Variants in CNTNAP2 observed in about 807,000 individuals in gnomAD.
CNTNAP2 encodes the protein contactin-associated protein-like 2.
In CNTNAP2, 98 loss-of-function variants were observed where a neutral mutation model predicts 155.2. That is an observed-to-expected ratio of 0.63 (90% CI 0.54 to 0.75). The LOEUF (loss-of-function observed/expected upper bound fraction) is 0.75. CNTNAP2 is among the 30% of genes least tolerant of loss of function. The probability of loss-of-function intolerance (pLI) is 0.00; values close to 1 mark genes in which losing one functional copy is unlikely to be tolerated. For synonymous variants in CNTNAP2, 651 were observed against 631.2 expected (o/e 1.03, Z -0.47); for missense variants, 1,727 against 1,688.1 (o/e 1.02, Z -0.40).
At chr7:146,186,633 A>G (rs1198968760) in intron 1 of CNTNAP2, among the ~76,000 whole-genome samples, 3 of 152,186 alleles carry the variant, frequency 2.0e-5, no homozygotes, top group Admixed American at 6.5e-5. Context: ...GCCTTTATAT[A>G]TGAATGACAA....
chr7:147,389,554 T>G (rs1323842877), intron 9 of CNTNAP2, among the ~76,000 whole-genome samples: 1 of 152,224 alleles, frequency 6.6e-6, no homozygotes, highest in Non-Finnish European at 1.5e-5. Flanking sequence ...TGTGTTTTCT[T>G]TGTCAGCAAG....
chr7:146,511,641 A>T (rs2129135424), intron 1 of CNTNAP2, among the ~76,000 whole-genome samples: 2 of 152,306 alleles, frequency 1.3e-5, no homozygotes, highest in South Asian at 4.1e-4. Context: ...TTTGATCATG[A>T]TGAATGATCT....
intron 11 of CNTNAP2, among the ~76,000 whole-genome samples, chr7:147,512,430 A>G (rs962256475): frequency 6.6e-6 from 1 of 152,216 alleles, no homozygotes; most frequent in African/African-American, 2.4e-5. Flanking sequence ...CTAATGTTAC[A>G]TTTTAGTTAG....
chr7:147,519,807 G>A (rs1316440731), intron 11 of CNTNAP2, among the ~76,000 whole-genome samples: 2 of 152,252 alleles, frequency 1.3e-5, no homozygotes, highest in Non-Finnish European at 2.9e-5. Context: ...AGAGGTTGCA[G>A]TGAGCCACAG....
intron 15 of CNTNAP2, among the ~76,000 whole-genome samples, chr7:147,984,283 T>G (rs1801580532): frequency 1.3e-5 from 2 of 152,350 alleles, no homozygotes; most frequent in Admixed American, 6.5e-5. Context: ...GCCAACTTCC[T>G]ATCTAATCCT....
At chr7:146,317,432 G>T (rs2129091772) in intron 1 of CNTNAP2, among the ~76,000 whole-genome samples, 1 of 152,254 alleles carries the variant, frequency 6.6e-6, no homozygotes, top group East Asian at 1.9e-4. Flanking sequence ...TGTTGTACCT[G>T]AGAGTGTTTT....
At chr7:148,009,315 G>A (rs1454395421) in intron 15 of CNTNAP2, among the ~76,000 whole-genome samples, 3 of 152,096 alleles carry the variant, frequency 2.0e-5, no homozygotes, top group African/African-American at 7.2e-5. Flanking sequence ...AAACAAAATG[G>A]TTGTACAGGT....
chr7:146,593,056 A>G (rs1467931110), intron 1 of CNTNAP2, among the ~76,000 whole-genome samples: 4 of 151,958 alleles, frequency 2.6e-5, no homozygotes, highest in Non-Finnish European at 5.9e-5. Context: ...AACCATAGTA[A>G]TCCAGACCAA....
chr7:147,181,939 A>T (rs1289209569), intron 8 of CNTNAP2, among the ~76,000 whole-genome samples: 1 of 152,024 alleles, frequency 6.6e-6, no homozygotes, highest in African/African-American at 2.4e-5. Context: ...AGCCTGACCA[A>T]CATGGTGAAA....
intron 3 of CNTNAP2, among the ~76,000 whole-genome samples, chr7:146,955,194 T>C (rs1431115717): frequency 6.6e-6 from 1 of 152,004 alleles, no homozygotes; most frequent in African/African-American, 2.4e-5. Flanking sequence ...TTCTTCTACC[T>C]CTGCCTGATG....
intron 1 of CNTNAP2, among the ~76,000 whole-genome samples, chr7:146,656,332 T>A (rs889406278): frequency 6.6e-6 from 1 of 152,232 alleles, no homozygotes; most frequent in Non-Finnish European, 1.5e-5. Context: ...ATTCATTTCA[T>A]CTTTCAAATC....
intron 8 of CNTNAP2, among the ~76,000 whole-genome samples, chr7:147,154,089 A>G (rs78297756): frequency 0.01 from 1,573 of 151,814 alleles, 30 homozygotes; most frequent in African/African-American, 0.037. Context: ...GATACTATTA[A>G]GATGCCCGCC....
At chr7:147,295,270 C>T (rs370293320) in intron 8 of CNTNAP2, among the ~76,000 whole-genome samples, 33 of 150,344 alleles carry the variant, frequency 2.2e-4, no homozygotes, top group South Asian at 8.5e-4. Context: ...TGTGTGCATG[C>T]GTGTGTGTGT....
intron 8 of CNTNAP2, among the ~76,000 whole-genome samples, chr7:147,258,281 A>G (rs2116678116): frequency 6.6e-6 from 1 of 152,360 alleles, no homozygotes; most frequent in Admixed American, 6.5e-5. Flanking sequence ...ATTTCAACAC[A>G]TATAATGTTT....
intron 1 of CNTNAP2, among the ~76,000 whole-genome samples, chr7:146,736,660 T>G (rs1801625736): frequency 6.6e-6 from 1 of 152,210 alleles, no homozygotes; most frequent in Non-Finnish European, 1.5e-5. Flanking sequence ...TGTGCTGCAC[T>G]GCCTCCCAGG....
At chr7:147,791,059 G>C (rs1222681183) in intron 13 of CNTNAP2, among the ~76,000 whole-genome samples, 3 of 152,078 alleles carry the variant, frequency 2.0e-5, no homozygotes, top group Admixed American at 1.3e-4. Flanking sequence ...TTTTTAAAAT[G>C]TCATCTGTTA....
In CNTNAP2 at chr7:147,123,421, C is replaced by T. The variant is rs764297131; in HGVS notation, c.939+2258C>T. Among the ~76,000 whole-genome samples the T allele has an allele frequency of 9.2e-5, 14 of 152,340 alleles. No individual in the cohort carries two copies. In the East Asian group the frequency reaches 9.6e-4, roughly 10 times the overall value. ...GTGTGACGAAGTCTATGACTATTCA[C>T]GCACACACAACACTTGCTATATCGG... On this transcript the variant is annotated intron_variant, in intron 6 of 23. Coordinates refer to ENST00000361727, the MANE Select transcript of CNTNAP2 (RefSeq NM_014141.6).
At position 146,451,880 on chromosome 7, in the gene CNTNAP2, C is replaced by CATACGTGTATATATATACGTATATAT. The variant is rs71175650; in HGVS notation, c.98-322390_98-322389insTACGTGTATATATATACGTATATATA. Among the ~76,000 whole-genome samples the CATACGTGTATATATATACGTATATAT allele has an allele frequency of 8.5e-5, 9 of 106,254 alleles. 1 individual carries two copies. The highest frequency in any genetic ancestry group is 6.8e-4 in the African/African-American group (7 of 10,276). The allele number at this position is 106,254 out of a possible 152,430, so 69.7% of individuals were successfully genotyped here. ...CTATATATATATATACGTATATATA[C>CATACGTGTATATATATACGTATATAT]ACATATACATATATTTATTTATTTA... On this transcript the variant is annotated intron_variant, in intron 1 of 23. Coordinates refer to ENST00000361727, the MANE Select transcript of CNTNAP2 (RefSeq NM_014141.6).
intron 15 of CNTNAP2, among the ~76,000 whole-genome samples, chr7:148,024,254 A>T (rs73468113): frequency 6.6e-6 from 1 of 151,986 alleles, no homozygotes; most frequent in African/African-American, 2.4e-5. Context: ...CACCACAAGT[A>T]GTTAGAGCTC....
Sources: allele counts gnomAD v4.1 joint callset (sites outside exome capture counted in the v4.1 genomes callset), GRCh38; gene constraint gnomAD v4.1.1; transcripts MANE v1.5; gene names NCBI Gene and HGNC (gene_info 2026-07-23, HGNC 2026-07-21).